SERPINI1: variants seen among roughly 807,000 people sequenced by gnomAD.
SERPINI1 encodes serpin family I member 1, also known as neuroserpin.
In SERPINI1, 19 loss-of-function variants were observed where a neutral mutation model predicts 41.1. The observed-to-expected ratio is 0.46, with a 90% CI of 0.32 to 0.68. The LOEUF (loss-of-function observed/expected upper bound fraction) is 0.68. Ranked by LOEUF, SERPINI1 falls within the 30% of genes least tolerant of loss-of-function variation. SERPINI1 has a pLI of 0.03. For missense variants in SERPINI1, 460 were observed against 479.2 expected (o/e 0.96, Z 0.37); for synonymous variants, 138 against 156.6 (o/e 0.88, Z 0.89).
chr3:167,772,887 TATATATAC>T (rs1291298591), intron 1 of SERPINI1, among the ~76,000 whole-genome samples: 4 of 75,692 alleles, frequency 5.3e-5, no homozygotes, highest in South Asian at 3.8e-4. Flanking sequence ...TATATATATA[TATATATAC>T]ACACACACAC....
chr3:167,766,442 C>A (rs1310157175), intron 1 of SERPINI1, among the ~76,000 whole-genome samples: 1 of 152,172 alleles, frequency 6.6e-6, no homozygotes, highest in Non-Finnish European at 1.5e-5. Context: ...AAGACACACA[C>A]CCCTGATTCA....
chr3:167,759,768 A>T (rs1348658031), intron 1 of SERPINI1, among the ~76,000 whole-genome samples: 1 of 152,130 alleles, frequency 6.6e-6, no homozygotes, highest in Non-Finnish European at 1.5e-5. Context: ...CCCTGAAACT[A>T]AAATAAAAAT....
intron 6 of SERPINI1, among the ~76,000 whole-genome samples, chr3:167,817,755 G>A (rs7617451): frequency 0.3 from 45,896 of 151,322 alleles, 8,816 homozygotes; most frequent in African/African-American, 0.55. Context: ...CCACCACCAC[G>A]CCTGGCTAAT....
intron 1 of SERPINI1, among the ~76,000 whole-genome samples, chr3:167,751,186 T>C (rs1283013757): frequency 1.3e-5 from 2 of 152,106 alleles, no homozygotes; most frequent in African/African-American, 4.8e-5. Context: ...AAGATTTTCT[T>C]TAGGTAAGGA....
At chr3:167,775,466 T>C (rs767136451) in intron 1 of SERPINI1, among the ~76,000 whole-genome samples, 3 of 151,970 alleles carry the variant, frequency 2.0e-5, no homozygotes, top group Non-Finnish European at 4.4e-5. Flanking sequence ...ACCTGAAGTG[T>C]GACTTTAACA....
intron 1 of SERPINI1, among the ~76,000 whole-genome samples, chr3:167,746,700 G>C (rs1199882586): frequency 2.0e-5 from 3 of 152,170 alleles, no homozygotes; most frequent in Non-Finnish European, 1.5e-5. Context: ...AAACCACAGT[G>C]AGCTACTACT....
intron 6 of SERPINI1, among the ~76,000 whole-genome samples, chr3:167,816,503 A>G (rs1476998830): frequency 6.6e-6 from 1 of 152,226 alleles, no homozygotes; most frequent in Non-Finnish European, 1.5e-5. Flanking sequence ...CTATGACAGT[A>G]TACTGGGTTA....
chr3:167,780,437 T>C (rs1727085037), intron 1 of SERPINI1, among the ~76,000 whole-genome samples: 1 of 152,176 alleles, frequency 6.6e-6, no homozygotes, highest in Non-Finnish European at 1.5e-5. Context: ...CAGCATAGCA[T>C]TCATGGGTTA....
chr3:167,792,588 A>T lies in SERPINI1; in HGVS notation c.482-2A>T, dbSNP rs1175314924. 1 of 1,612,670 alleles carries T rather than the reference A, an allele frequency of 6.2e-7. No individual in the cohort carries two copies. The stretch of plus-strand genomic sequence containing the variant: ...TTTATCTATTCATTTTTTCCTAAAT[A>T]GATCTGGTGAAAGATTTGGTATCCC... On this transcript the variant is annotated splice_acceptor_variant, in intron 3 of 8. Coordinates refer to ENST00000446050, the MANE Select transcript of SERPINI1 (RefSeq NM_001122752.2). LOFTEE classifies it high-confidence loss of function.
chr3:167,737,307 A>G (rs1273112276), intron 1 of SERPINI1, among the ~76,000 whole-genome samples: 1 of 152,084 alleles, frequency 6.6e-6, no homozygotes, highest in Non-Finnish European at 1.5e-5. Flanking sequence ...CTTTTTAATT[A>G]CCCCTAAGCA....
intron 1 of SERPINI1, among the ~76,000 whole-genome samples, chr3:167,780,794 G>T (rs1727097517): frequency 6.6e-6 from 1 of 152,038 alleles, no homozygotes; most frequent in Admixed American, 6.6e-5. Flanking sequence ...CAGTCCTATT[G>T]AGGACAAGTC....
At chr3:167,818,175 G>A (rs1712184935) in intron 6 of SERPINI1, among the ~76,000 whole-genome samples, 1 of 151,504 alleles carries the variant, frequency 6.6e-6, no homozygotes, top group Non-Finnish European at 1.5e-5. Flanking sequence ...ACAGGCACAC[G>A]CCATCACGCC....
At position 167,825,455 on chromosome 3, in the gene SERPINI1, A is replaced by T; in HGVS notation, c.*132A>T. On this transcript the variant is annotated 3_prime_UTR_variant, in exon 9 of 9. Coordinates refer to ENST00000446050, the MANE Select transcript of SERPINI1 (RefSeq NM_001122752.2). ...AAATAGTTCCAGATAAAAACAATAT[A>T]TGTAAATTATAAGTAACTTGTCAAG... 1.5e-6 allele frequency: 1 copy of T among 670,444 alleles called. No homozygotes were observed. The highest frequency in any genetic ancestry group is 2.7e-6 in the Non-Finnish European group (1 of 371,282). 41.5% of individuals were successfully genotyped at this position (670,444 alleles called of 1,614,324 possible).
intron 4 of SERPINI1, among the ~76,000 whole-genome samples, chr3:167,793,554 C>G (rs1216488455): frequency 1.2e-4 from 18 of 149,194 alleles, no homozygotes; most frequent in Admixed American, 1.1e-3. Context: ...TTGGGCAACA[C>G]AGCAAGACCC....
rs1418988398 is a variant in SERPINI1, at chr3:167,825,422, A to G, written c.*99A>G. On this transcript the variant is annotated 3_prime_UTR_variant, in exon 9 of 9. Coordinates refer to ENST00000446050, the MANE Select transcript of SERPINI1 (RefSeq NM_001122752.2). The stretch of plus-strand genomic sequence containing the variant: ...TGTGTTTTACAGTATATCTTAAGAT[A>G]ATATTTAAAATAGTTCCAGATAAAA... 7.8e-6 allele frequency: 6 copies of G among 765,164 alleles called. No homozygotes were observed. Among genetic ancestry groups the G allele is most frequent in the Admixed American group, 2.0e-5 (1 of 49,766 alleles). The allele number at this position is 765,164 out of a possible 1,614,324, so 47.4% of individuals were successfully genotyped here.
intron 1 of SERPINI1, among the ~76,000 whole-genome samples, chr3:167,749,335 A>G (rs1396998389): frequency 6.6e-6 from 1 of 152,216 alleles, no homozygotes. Context: ...CACAAAACAT[A>G]TGAAGACATC....
intron 4 of SERPINI1, among the ~76,000 whole-genome samples, chr3:167,793,596 A>ATATATATATAT: frequency 2.8e-5 from 4 of 140,610 alleles, no homozygotes; most frequent in Admixed American, 1.4e-4. Flanking sequence ...ATATATATAT[A>ATATATATATAT]TTTTTAATTA....
intron 1 of SERPINI1, among the ~76,000 whole-genome samples, chr3:167,755,822 G>T (rs1289711352): frequency 2.3e-5 from 3 of 132,906 alleles, no homozygotes; most frequent in Admixed American, 7.7e-5. Context: ...TTTTGGCTGT[G>T]GTCCGTCCTG....
rs139553677 is a variant in SERPINI1 at position 167,744,788 on chromosome 3, TTATA to T, written c.-19+8976_-19+8979del. Among the ~76,000 whole-genome samples the T allele has an allele frequency of 3.1e-3, 373 of 120,284 alleles. 3 individuals carry two copies. The highest frequency in any genetic ancestry group is 9.6e-3 in the African/African-American group (295 of 30,680). 78.9% of individuals were successfully genotyped at this position (120,284 alleles called of 152,430 possible). A position where few individuals can be genotyped will look rare whatever the true frequency, so the allele number is the denominator to read the frequency against. On this transcript the variant is annotated intron_variant, in intron 1 of 8. Transcript: ENST00000446050. The stretch of plus-strand genomic sequence containing the variant: ...AAATATATATTATATATAACTATGG[TTATA>T]TATATATATAATATATAAATATAGT...
Sources: gnomAD v4.1 joint callset for allele counts (sites outside exome capture counted in the v4.1 genomes callset) on GRCh38, gnomAD v4.1.1 for gene constraint, MANE v1.5 for transcripts, NCBI Gene and HGNC (gene_info 2026-07-23, HGNC 2026-07-21) for gene names.